The following PI4KA variants were observed in gnomAD, a reference collection of about 807,000 sequenced individuals.
PI4KA encodes the protein PI4-kinase alpha.
A neutral mutation model predicts 271.4 loss-of-function variants in PI4KA; 122 were observed. That is an observed-to-expected ratio of 0.45 (90% CI 0.39 to 0.52). The LOEUF is 0.52. Ranked by LOEUF, PI4KA falls within the 20% of genes least tolerant of loss-of-function variation. The pLI is 0.00. For synonymous variants in PI4KA, 1,041 were observed against 1,078.8 expected (o/e 0.96, Z 0.69); for missense variants, 1,969 against 2,769.1 (o/e 0.71, Z 6.48).
intron 8 of PI4KA, among the ~76,000 whole-genome samples, chr22:20,812,335 G>T (rs1263911268): frequency 6.6e-6 from 1 of 152,092 alleles, no homozygotes. Context: ...TACATCTTCA[G>T]CCTGAAGCCA....
intron 42 of PI4KA, chr22:20,721,692 G>A: frequency 2.6e-6 from 1 of 379,180 alleles, no homozygotes; most frequent in Non-Finnish European, 4.9e-6. Flanking sequence ...GGTTTAAGAA[G>A]CACAACTCTC....
At chr22:20,810,234 T>C (rs1382520440) in intron 9 of PI4KA, among the ~76,000 whole-genome samples, 2 of 152,096 alleles carry the variant, frequency 1.3e-5, no homozygotes, top group South Asian at 4.1e-4. Flanking sequence ...CAGCCGGGCA[T>C]GGTGGCTCAC....
intron 14 of PI4KA, among the ~76,000 whole-genome samples, chr22:20,801,204 T>C (rs1015778892): frequency 4.6e-5 from 7 of 151,798 alleles, no homozygotes; most frequent in Admixed American, 2.6e-4. Context: ...ATTATGTTTA[T>C]GATCAGGAAA....
chr22:20,807,375 C>T lies in PI4KA; in HGVS notation c.1155G>A (p.Leu385=). The T allele has an allele frequency of 6.2e-7, 1 of 1,607,206 alleles. No homozygotes were observed. The highest frequency in any genetic ancestry group is 8.5e-7 in the Non-Finnish European group (1 of 1,173,714). Reference sequence around the variant, plus strand: ...AACTGTCCTCACCCTTCATGTAGTACAGAGTGTCACGCAGCATCTTGAACA... The same window carrying T: ...AACTGTCCTCACCCTTCATGTAGTATAGAGTGTCACGCAGCATCTTGAACA... ...LTMFKMLRDT[L]YYMKDLPTSF... is the part of the protein sequence containing the mutation. Residue 385 remains leucine, a synonymous_variant, in exon 10 of 55, where the codon CTG becomes CTA. Coordinates refer to ENST00000255882, the MANE Select transcript of PI4KA (RefSeq NM_058004.4).
intron 3 of PI4KA, among the ~76,000 whole-genome samples, chr22:20,831,055 G>A (rs1924100300): frequency 6.6e-6 from 1 of 152,164 alleles, no homozygotes; most frequent in Admixed American, 6.5e-5. Context: ...TTACAGGTGT[G>A]AGCTACTGTG....
Position 20,786,219 on chromosome 22 carries a change from C to T in PI4KA, c.2328+6974G>A. 6.5e-6 allele frequency: 10 copies of T among 1,530,382 alleles called. 1 individual carries two copies. Among genetic ancestry groups the T allele is most frequent in the Non-Finnish European group, 9.0e-6 (10 of 1,108,006 alleles). 94.8% of individuals were successfully genotyped at this position (1,530,382 alleles called of 1,614,324 possible). ...TCAGCACAGCCCCACCTCCACTTGCCCTTCCTACCCACCCCCCAATCTCAT... is the reference window on the plus strand; with the variant it reads ...TCAGCACAGCCCCACCTCCACTTGCTCTTCCTACCCACCCCCCAATCTCAT... On this transcript the variant is annotated intron_variant, in intron 19 of 54. Coordinates refer to ENST00000255882, the MANE Select transcript of PI4KA (RefSeq NM_058004.4).
chr22:20,779,273 A>C, intron 19 of PI4KA: 1 of 1,613,222 alleles, frequency 6.2e-7, no homozygotes, highest in Non-Finnish European at 8.5e-7. Flanking sequence ...GCCGCCTTTC[A>C]CTGTGTTCTG....
At chr22:20,840,514 C>A (rs1453770036) in intron 1 of PI4KA, among the ~76,000 whole-genome samples, 1 of 152,108 alleles carries the variant, frequency 6.6e-6, no homozygotes, top group Non-Finnish European at 1.5e-5. Context: ...TTTTGGAGGA[C>A]AAGAGTGAAA....
chr22:20,783,842 A>C, intron 19 of PI4KA: 1 of 1,241,892 alleles, frequency 8.1e-7, no homozygotes, highest in South Asian at 1.3e-5. Context: ...CTCAGGAATC[A>C]AGAGACTGTG....
rs1258393893 is a variant in PI4KA at position 20,714,772 on chromosome 22, C to T, written c.5318-72G>A. 2.3e-5 allele frequency: 35 copies of T among 1,535,552 alleles called. No individual in the cohort carries two copies. The East Asian group carries it at 4.9e-4, about 22-fold the overall frequency. On this transcript the variant is annotated intron_variant, in intron 45 of 54. Transcript: ENST00000255882. The stretch of plus-strand genomic sequence containing the variant: ...GGTGAGCCAGAGTCAGTTTCCAACA[C>T]GGATGTTACATGCGTGTCCACCCTG...
At chr22:20,764,390 A>C (rs1490758579) in intron 22 of PI4KA, among the ~76,000 whole-genome samples, 2 of 152,210 alleles carry the variant, frequency 1.3e-5, no homozygotes, top group Non-Finnish European at 2.9e-5. Context: ...GCATCGGGCC[A>C]CATGCAGGAC....
chr22:20,844,786 T>C (rs1198163371), intron 1 of PI4KA, among the ~76,000 whole-genome samples: 1 of 152,132 alleles, frequency 6.6e-6, no homozygotes, highest in Non-Finnish European at 1.5e-5. Flanking sequence ...AACAGCTCAT[T>C]AGGTAGCTAT....
intron 27 of PI4KA, among the ~76,000 whole-genome samples, chr22:20,750,526 A>T (rs1399624651): frequency 6.6e-6 from 1 of 152,252 alleles, no homozygotes; most frequent in Non-Finnish European, 1.5e-5. Context: ...GGAAGCCCAC[A>T]CACACTATGA....
chr22:20,796,866 C>A (rs1935016882), intron 17 of PI4KA, among the ~76,000 whole-genome samples: 1 of 152,206 alleles, frequency 6.6e-6, no homozygotes, highest in African/African-American at 2.4e-5. Flanking sequence ...CCAATGTAAA[C>A]CCCGGATGTG....
chr22:20,820,220 A>G (rs1288247393), intron 5 of PI4KA, among the ~76,000 whole-genome samples: 1 of 152,202 alleles, frequency 6.6e-6, no homozygotes, highest in Non-Finnish European at 1.5e-5. Context: ...TCCTCTTAGG[A>G]GCATATTGGT....
chr22:20,722,778 C>G (rs943356595), intron 42 of PI4KA, among the ~76,000 whole-genome samples: 1 of 152,150 alleles, frequency 6.6e-6, no homozygotes, highest in African/African-American at 2.4e-5. Flanking sequence ...CATTTTTGAC[C>G]TGGGTGAGTC....
chr22:20,746,125 G>C (rs1264202723), intron 29 of PI4KA, among the ~76,000 whole-genome samples: 9 of 142,240 alleles, frequency 6.3e-5, no homozygotes, highest in Non-Finnish European at 9.3e-5. Flanking sequence ...TGCAGTGGCG[G>C]GATCTCGGCT....
chr22:20,820,022 C>A, intron 5 of PI4KA, 122 bp from the exon 6 acceptor site: 1 of 822,396 alleles, frequency 1.2e-6, no homozygotes, highest in Non-Finnish European at 1.9e-6. Context: ...TGTGAAGGTT[C>A]ACAATAAGCC....
intron 15 of PI4KA, 138 bp from the exon 16 acceptor site, chr22:20,799,414 G>T: frequency 1.1e-6 from 1 of 872,194 alleles, no homozygotes; most frequent in Non-Finnish European, 1.7e-6. Context: ...GACAGCCCAG[G>T]ATTTTAACCA....
Sources: gnomAD v4.1 joint callset for allele counts (sites outside exome capture counted in the v4.1 genomes callset) on GRCh38, gnomAD v4.1.1 for gene constraint, MANE v1.5 for transcripts, NCBI Gene and HGNC (gene_info 2026-07-23, HGNC 2026-07-21) for gene names.